EPHB2: variants seen among roughly 807,000 people sequenced by gnomAD.
EPHB2 encodes the protein EPH receptor B2, also known as ephrin type-B receptor 2.
Under a neutral mutation model 96.4 loss-of-function variants are expected in EPHB2, and 18 were observed. The observed-to-expected ratio is 0.19, with a 90% CI of 0.13 to 0.28. The LOEUF is 0.28. EPHB2 is among the 10% of genes least tolerant of loss of function. The pLI is 1.00. For synonymous variants in EPHB2, 506 were observed against 534.1 expected, an observed-to-expected ratio of 0.95 and a Z score of 0.72; for missense variants, 989 against 1,355.4, an observed-to-expected ratio of 0.73 and a Z score of 4.25.
intron 1 of EPHB2, among the ~76,000 whole-genome samples, chr1:22,765,371 ACC>A (rs1644293296): frequency 6.6e-6 from 1 of 152,002 alleles, no homozygotes; most frequent in South Asian, 2.1e-4. Flanking sequence ...ACATGGCGAA[ACC>A]CCATCTGTAC....
At chr1:22,819,298 C>A (rs1266665316) in intron 3 of EPHB2, among the ~76,000 whole-genome samples, 1 of 149,732 alleles carries the variant, frequency 6.7e-6, no homozygotes, top group Non-Finnish European at 1.5e-5. Flanking sequence ...CATCTCCGGC[C>A]ACCGCCTCTC....
At position 22,846,505 on chromosome 1, in the gene EPHB2, C is replaced by A. The variant is rs1375382062; in HGVS notation, c.812-16532C>A. Among the ~76,000 whole-genome samples, 2 of 152,096 alleles carry A rather than the reference C, an allele frequency of 1.3e-5. No individual in the cohort carries two copies. Among genetic ancestry groups the A allele is most frequent in the Non-Finnish European group, 2.9e-5 (2 of 68,010 alleles). On this transcript the variant is annotated intron_variant, in intron 3 of 15. Coordinates refer to ENST00000374630, the MANE Select transcript of EPHB2 (RefSeq NM_017449.5). The surrounding 1 kb of genome is among the most constrained non-coding windows in gnomAD (Gnocchi z 4.3). ...ATTTCTCCAGAGGTTCACAGACCGC[C>A]CTGCCAAAGACAGAACTGCCCGATC...
chr1:22,838,657 C>T (rs1001894091), intron 3 of EPHB2, among the ~76,000 whole-genome samples: 2 of 152,100 alleles, frequency 1.3e-5, no homozygotes, highest in Non-Finnish European at 2.9e-5. Flanking sequence ...AGGCCAGGTG[C>T]GTGGCTCACG....
intron 6 of EPHB2, among the ~76,000 whole-genome samples, chr1:22,886,924 C>T (rs570026273): frequency 6.6e-6 from 1 of 152,124 alleles, no homozygotes; most frequent in African/African-American, 2.4e-5. Flanking sequence ...CCGCGCCCGG[C>T]CAGCAAAGTC....
intron 1 of EPHB2, among the ~76,000 whole-genome samples, chr1:22,779,886 G>T (rs1644504437): frequency 6.6e-6 from 1 of 152,194 alleles, no homozygotes; most frequent in South Asian, 2.1e-4. Flanking sequence ...GCACAGAATT[G>T]GAGCATGGCA....
chr1:22,863,464 G>A (rs538570021), intron 4 of EPHB2, among the ~76,000 whole-genome samples: 1 of 152,352 alleles, frequency 6.6e-6, no homozygotes, highest in South Asian at 2.1e-4. Context: ...GACAGGGGAT[G>A]GGAGGCTTGG....
At chr1:22,911,143 A>AAAATAAAAAAATAAAT (rs1640087844) in intron 14 of EPHB2, among the ~76,000 whole-genome samples, 1 of 133,778 alleles carries the variant, frequency 7.5e-6, no homozygotes, top group African/African-American at 3.3e-5. Flanking sequence ...TCCATCTAAA[A>AAAATAAAAAAATAAAT]AAATAAATAA....
chr1:22,861,897 T>A (rs1233953480), intron 3 of EPHB2, among the ~76,000 whole-genome samples: 2 of 152,244 alleles, frequency 1.3e-5, no homozygotes, highest in Admixed American at 6.5e-5. Context: ...GCATAAAATG[T>A]ACTCCCGGTG....
rs1643755268 is a variant in EPHB2, at chr1:22,733,192, G to A, written c.61+22149G>A. ...GCCTCCTGAGTAGCTGGGATTACAG[G>A]TGCCTGCCACCACGCCTGGCTGATT... On this transcript the variant is annotated intron_variant, in intron 1 of 15. Coordinates refer to ENST00000374630, the MANE Select transcript of EPHB2 (RefSeq NM_017449.5). The surrounding 1 kb of genome is among the most constrained non-coding windows in gnomAD (Gnocchi z 4.6). Among the ~76,000 whole-genome samples, 1 of 152,132 alleles carries A rather than the reference G, an allele frequency of 6.6e-6. No individual in the cohort carries two copies. The highest frequency in any genetic ancestry group is 1.5e-5 in the Non-Finnish European group (1 of 68,022).
chr1:22,909,053 C>T lies in EPHB2; in HGVS notation c.2384C>T (p.Pro795Leu), dbSNP rs372696024. ...AAGATCCCCATCCGCTGGACAGCCC[C>T]GGAAGCCATCCAGTACCGGAAGTTC... ...GGKIPIRWTAPEAIQYRKFTS... is the reference protein window; with the variant it reads ...GGKIPIRWTALEAIQYRKFTS... Residue 795 changes from proline to leucine, a missense_variant, in exon 13 of 16, where the codon CCG becomes CTG. Transcript: ENST00000374630. 1.9e-6 allele frequency: 3 copies of T among 1,614,170 alleles called. No individual in the cohort carries two copies. The highest frequency in any genetic ancestry group is 2.2e-5 in the East Asian group (1 of 44,882).
intron 3 of EPHB2, among the ~76,000 whole-genome samples, chr1:22,848,396 G>A (rs964082131): frequency 1.3e-5 from 2 of 152,126 alleles, no homozygotes; most frequent in Non-Finnish European, 2.9e-5. Flanking sequence ...GTCCACTATC[G>A]CTCGGTGGAC....
chr1:22,792,570 G>GTTCCATCC (rs1644709499), intron 3 of EPHB2, among the ~76,000 whole-genome samples: 1 of 150,742 alleles, frequency 6.6e-6, no homozygotes, highest in African/African-American at 2.5e-5. Context: ...TCCATCCATT[G>GTTCCATCC]GTCCATCCAT....
chr1:22,732,769 T>C (rs1422775849), intron 1 of EPHB2, among the ~76,000 whole-genome samples: 1 of 152,164 alleles, frequency 6.6e-6, no homozygotes, highest in Non-Finnish European at 1.5e-5. Context: ...GATATCTCCA[T>C]TGCTCCTCCT....
At chr1:22,898,491 A>G (rs1639642933) in intron 9 of EPHB2, among the ~76,000 whole-genome samples, 2 of 152,218 alleles carry the variant, frequency 1.3e-5, no homozygotes, top group Non-Finnish European at 2.9e-5. Flanking sequence ...CAGAGCAAAG[A>G]GAGAAATGGA....
intron 3 of EPHB2, among the ~76,000 whole-genome samples, chr1:22,839,684 C>G (rs1645437766): frequency 6.6e-6 from 1 of 152,128 alleles, no homozygotes; most frequent in African/African-American, 2.4e-5. Context: ...TGGATAGGGT[C>G]CAGATGCCTC....
chr1:22,857,532 T>C (rs922209726), intron 3 of EPHB2, among the ~76,000 whole-genome samples: 1 of 151,792 alleles, frequency 6.6e-6, no homozygotes, highest in Admixed American at 6.6e-5. Context: ...TACAGTAGGA[T>C]GGTCAATCCT....
chr1:22,744,391 A>G (rs559149606), intron 1 of EPHB2, among the ~76,000 whole-genome samples: 2 of 151,772 alleles, frequency 1.3e-5, no homozygotes, highest in African/African-American at 4.8e-5. Context: ...CAGAAGCCTT[A>G]CTGATAACAT....
At chr1:22,907,023 T>C in intron 11 of EPHB2, 66 bp downstream of exon 11, 1 of 1,529,040 alleles carries the variant, frequency 6.5e-7, no homozygotes, top group Admixed American at 2.1e-5. Flanking sequence ...GGACATAGCT[T>C]CATACTGTCA....
intron 3 of EPHB2, among the ~76,000 whole-genome samples, chr1:22,797,860 A>C (rs1644789601): frequency 6.6e-6 from 1 of 151,860 alleles, no homozygotes; most frequent in African/African-American, 2.4e-5. Context: ...TTCTGCCGGG[A>C]ATGTTCTTTC....
Sources: allele counts gnomAD v4.1 joint callset (sites outside exome capture counted in the v4.1 genomes callset), GRCh38; gene constraint gnomAD v4.1.1; non-coding constraint Gnocchi (gnomAD v3.1); transcripts MANE v1.5; gene names NCBI Gene and HGNC (gene_info 2026-07-23, HGNC 2026-07-21).